GNG7: variants seen among roughly 807,000 people sequenced by gnomAD.
GNG7 encodes G protein subunit gamma 7.
In GNG7, 1 loss-of-function variant was observed where a neutral mutation model predicts 4.0. That is an observed-to-expected ratio of 0.25 (90% CI 0.09 to 1.18). The LOEUF (loss-of-function observed/expected upper bound fraction) is 1.18. Among genes scored for constraint, GNG7 ranks in the 50% most tolerant of loss-of-function variants. The pLI, the probability that GNG7 is intolerant of heterozygous loss-of-function variation, is 0.50. For synonymous variants in GNG7, 34 were observed against 36.9 expected, an observed-to-expected ratio of 0.92 and a Z score of 0.29; for missense variants, 86 against 91.9, an observed-to-expected ratio of 0.94 and a Z score of 0.26.
intron 2 of GNG7, among the ~76,000 whole-genome samples, chr19:2,598,950 T>C (rs1053519696): frequency 1.6e-4 from 25 of 152,202 alleles, no homozygotes; most frequent in African/African-American, 5.3e-4. Context: ...AGAAGTCTAG[T>C]TTCTAGAAGC....
At chr19:2,575,738 C>CAGGCACACGCAG (rs201042346) in intron 2 of GNG7, among the ~76,000 whole-genome samples, 4 of 79,594 alleles carry the variant, frequency 5.0e-5, no homozygotes, top group African/African-American at 1.8e-4. Context: ...CAGGCACACG[C>CAGGCACACGCAG]ACACGCAGGC....
intron 2 of GNG7, among the ~76,000 whole-genome samples, chr19:2,562,439 G>A (rs1474928428): frequency 1.3e-5 from 2 of 151,616 alleles, no homozygotes; most frequent in Non-Finnish European, 2.9e-5. Context: ...GTGAGCCACC[G>A]CGCCCCGCTC....
chr19:2,696,290 G>GAGAGAAAGAAAGAA (rs765689708), intron 1 of GNG7, among the ~76,000 whole-genome samples: 1 of 126,820 alleles, frequency 7.9e-6, no homozygotes, highest in African/African-American at 3.1e-5. Flanking sequence ...AAAAGAGAGA[G>GAGAGAAAGAAAGAA]AGAGAAAGAA....
rs192843388 is a variant in GNG7, at chr19:2,560,731, T to C, written c.-77-5543A>G. Among the ~76,000 whole-genome samples, 4 of 152,046 alleles carry C rather than the reference T, an allele frequency of 2.6e-5. No individual in the cohort carries two copies. The East Asian group carries it at 5.8e-4, about 22-fold the overall frequency. On this transcript the variant is annotated intron_variant, in intron 2 of 4. Coordinates refer to ENST00000382159, the MANE Select transcript of GNG7 (RefSeq NM_052847.3). ...CAGCACTTTGGGAGGCCGAGGTGGG[T>C]GGATCACTTGATGTCAGGAGTTCGA... is the stretch of plus-strand genomic sequence containing the variant.
chr19:2,513,474 G>C lies in GNG7; in HGVS notation c.*1548C>G. ...GGAAGATGTGGCTGCACCTGCTCCC[G>C]TCCGTGCCGCAGAGGAGGACGCAGT... On this transcript the variant is annotated 3_prime_UTR_variant, in exon 5 of 5. Transcript: ENST00000382159. 1 of 979,456 alleles carries C rather than the reference G, an allele frequency of 1.0e-6. No homozygotes were observed. Among genetic ancestry groups the C allele is most frequent in the Non-Finnish European group, 1.2e-6 (1 of 824,466 alleles). 60.7% of individuals were successfully genotyped at this position (979,456 alleles called of 1,614,324 possible).
intron 2 of GNG7, among the ~76,000 whole-genome samples, chr19:2,637,618 A>G (rs1209965851): frequency 1.3e-5 from 2 of 152,196 alleles, no homozygotes; most frequent in African/African-American, 4.8e-5. Flanking sequence ...GAACCCCTTC[A>G]AGGTCAGCCG....
intron 3 of GNG7, among the ~76,000 whole-genome samples, chr19:2,553,919 C>T (rs1032419327): frequency 2.2e-5 from 3 of 138,166 alleles, no homozygotes; most frequent in African/African-American, 2.8e-5. Flanking sequence ...GTGCATATTG[C>T]ATGTAATATA....
intron 1 of GNG7, among the ~76,000 whole-genome samples, chr19:2,696,294 GAAAGAAAGAA>G (rs1195924583): frequency 1.3e-4 from 7 of 55,012 alleles, no homozygotes; most frequent in Non-Finnish European, 2.4e-4. Flanking sequence ...GAGAGAGAGA[GAAAGAAAGAA>G]AGAAAGAAAG....
intron 1 of GNG7, among the ~76,000 whole-genome samples, chr19:2,649,634 C>T (rs999142955): frequency 1.3e-5 from 2 of 152,036 alleles, no homozygotes; most frequent in Non-Finnish European, 2.9e-5. Context: ...ATGATCCACC[C>T]GCCTCAGCCT....
intron 2 of GNG7, among the ~76,000 whole-genome samples, chr19:2,596,221 C>T (rs1444754766): frequency 2.0e-5 from 3 of 151,760 alleles, no homozygotes; most frequent in African/African-American, 7.3e-5. Flanking sequence ...TAGCCGGGTG[C>T]GGTGGTGCAT....
chr19:2,651,245 T>TCC (rs1982805654), intron 1 of GNG7, among the ~76,000 whole-genome samples: 1 of 87,108 alleles, frequency 1.1e-5, no homozygotes, highest in Admixed American at 1.3e-4. Flanking sequence ...CCTTCCTTCC[T>TCC]TTCCTTCCTT....
intron 2 of GNG7, among the ~76,000 whole-genome samples, chr19:2,596,782 G>T (rs1981035220): frequency 6.6e-6 from 1 of 152,132 alleles, no homozygotes; most frequent in Non-Finnish European, 1.5e-5. Flanking sequence ...ATTCTGGGGA[G>T]TGAGATTTGT....
intron 1 of GNG7, chr19:2,683,750 G>GGAAAT (rs1983801092): frequency 6.6e-6 from 1 of 152,478 alleles, no homozygotes; most frequent in South Asian, 2.1e-4. Context: ...GAGGAGGGAG[G>GGAAAT]GAAATTAACT....
chr19:2,520,736 A>T lies in GNG7; in HGVS notation c.-37-11T>A. 1 of 1,155,662 alleles carries T rather than the reference A, an allele frequency of 8.7e-7. No homozygotes were observed. Among genetic ancestry groups the T allele is most frequent in the Non-Finnish European group, 1.3e-6 (1 of 787,848 alleles). 71.6% of individuals were successfully genotyped at this position (1,155,662 alleles called of 1,614,324 possible). A position where few individuals can be genotyped will look rare whatever the true frequency, so the allele number is the denominator to read the frequency against. On this transcript the variant is annotated splice_polypyrimidine_tract_variant and intron_variant, in intron 3 of 4. Transcript: ENST00000382159. ...CCGTTGTTCAGAGAGCTGTGGGGGA[A>T]GCAGAGGGGTGTGGGTCAAAGTTCA...
At chr19:2,582,300 T>G (rs568964332) in intron 2 of GNG7, among the ~76,000 whole-genome samples, 2 of 152,308 alleles carry the variant, frequency 1.3e-5, no homozygotes, top group South Asian at 4.1e-4. Flanking sequence ...AAGGGAACAC[T>G]CTGTACTATT....
chr19:2,606,862 T>TA (rs1981400177), intron 2 of GNG7, among the ~76,000 whole-genome samples: 1 of 151,436 alleles, frequency 6.6e-6, no homozygotes, highest in South Asian at 2.1e-4. Flanking sequence ...TGGAACTAGA[T>TA]AGATAGTGCT....
intron 2 of GNG7, among the ~76,000 whole-genome samples, chr19:2,566,049 T>G (rs1979897354): frequency 6.6e-6 from 1 of 151,712 alleles, no homozygotes. Flanking sequence ...TCCCAGCTAC[T>G]CGGGAGGCTG....
Position 2,511,814 on chromosome 19 carries a change from C to T in GNG7, c.*3208G>A. ...TGTCCCCAGAGGCCAGAGGTCGCAGCTGAGCTATCTGTGCTTGGCCTGGGG... is the reference window on the plus strand; with the variant it reads ...TGTCCCCAGAGGCCAGAGGTCGCAGTTGAGCTATCTGTGCTTGGCCTGGGG... On this transcript the variant is annotated 3_prime_UTR_variant, in exon 5 of 5. Coordinates refer to ENST00000382159, the MANE Select transcript of GNG7 (RefSeq NM_052847.3). The surrounding 1 kb of genome is among the most constrained non-coding windows in gnomAD (Gnocchi z 6.3). 1.0e-6 allele frequency: 1 copy of T among 986,316 alleles called. No homozygotes were observed. The highest frequency in any genetic ancestry group is 1.2e-6 in the Non-Finnish European group (1 of 830,264). The allele number at this position is 986,316 out of a possible 1,614,324, so 61.1% of individuals were successfully genotyped here.
intron 2 of GNG7, among the ~76,000 whole-genome samples, chr19:2,622,304 C>T (rs1413635794): frequency 6.6e-6 from 1 of 152,242 alleles, no homozygotes; most frequent in East Asian, 1.9e-4. Flanking sequence ...TGGTCTCGAT[C>T]TCCTGACCTT....
Sources: allele counts gnomAD v4.1 joint callset (sites outside exome capture counted in the v4.1 genomes callset), GRCh38; gene constraint gnomAD v4.1.1; non-coding constraint Gnocchi (gnomAD v3.1); transcripts MANE v1.5; gene names NCBI Gene and HGNC (gene_info 2026-07-23, HGNC 2026-07-21).